The following PDE10A variants were observed in gnomAD, a reference collection of about 807,000 sequenced individuals.
PDE10A encodes the protein phosphodiesterase 10A, also known as cAMP and cAMP-inhibited cGMP 3',5'-cyclic phosphodiesterase 10A.
A neutral mutation model predicts 97.7 loss-of-function variants in PDE10A; 39 were observed. That is an observed-to-expected ratio of 0.40 (90% CI 0.31 to 0.52). The LOEUF (loss-of-function observed/expected upper bound fraction) is 0.52, where lower values mean the gene tolerates loss of function less well. PDE10A is among the 20% of genes least tolerant of loss of function. The pLI, the probability that PDE10A is intolerant of heterozygous loss-of-function variation, is 0.56. For missense variants in PDE10A, 731 were observed against 1,047.8 expected (o/e 0.70, Z 4.17); for synonymous variants, 371 against 376.8 (o/e 0.98, Z 0.18).
chr6:165,435,396 GT>G lies in PDE10A; in HGVS notation c.1195-20del. The stretch of plus-strand genomic sequence containing the variant: ...ACAGGCTCTAGGGAGAAGAAAAGAT[GT>G]TTTACAGACTTTCCTGTACATGTGC... On this transcript the variant is annotated intron_variant, in intron 5 of 21. Coordinates refer to ENST00000539869, the MANE Select transcript of PDE10A (RefSeq NM_001385079.1). The G allele has an allele frequency of 6.2e-7, 1 of 1,608,338 alleles. No homozygotes were observed. Among genetic ancestry groups the G allele is most frequent in the Non-Finnish European group, 8.5e-7 (1 of 1,177,420 alleles).
At chr6:165,427,883 T>A (rs79501846) in intron 10 of PDE10A, among the ~76,000 whole-genome samples, 2,814 of 152,244 alleles carry the variant, frequency 0.018, 80 homozygotes, top group African/African-American at 0.064. Context: ...AAATAACTTA[T>A]CACATAAAGA....
chr6:165,589,758 A>G (rs567249670), intron 1 of PDE10A, among the ~76,000 whole-genome samples: 8 of 152,330 alleles, frequency 5.3e-5, no homozygotes, highest in South Asian at 2.1e-4. Context: ...GAAATTGTCT[A>G]TATTCCAGGC....
intron 1 of PDE10A, among the ~76,000 whole-genome samples, chr6:165,811,688 T>C (rs1359103188): frequency 6.6e-6 from 1 of 152,180 alleles, no homozygotes; most frequent in Non-Finnish European, 1.5e-5. Context: ...TAGCTCCTGC[T>C]CCTGAGGCCG....
intron 3 of PDE10A, among the ~76,000 whole-genome samples, chr6:165,469,976 T>C (rs1778891704): frequency 6.6e-6 from 1 of 152,210 alleles, no homozygotes; most frequent in African/African-American, 2.4e-5. Flanking sequence ...CGTTCCACCC[T>C]TGGGTCCCAT....
At chr6:165,935,521 G>A (rs1003056789) in intron 1 of PDE10A, among the ~76,000 whole-genome samples, 8 of 152,194 alleles carry the variant, frequency 5.3e-5, no homozygotes, top group African/African-American at 1.9e-4. Flanking sequence ...GGGAAATCGT[G>A]GGCAAAATCC....
chr6:165,933,678 T>C (rs987075758), intron 1 of PDE10A, among the ~76,000 whole-genome samples: 4 of 152,244 alleles, frequency 2.6e-5, no homozygotes, highest in Non-Finnish European at 5.9e-5. Context: ...TTCTGGGTTT[T>C]TACAGCCCAA....
chr6:165,409,217 G>A (rs1787507030), intron 13 of PDE10A, among the ~76,000 whole-genome samples: 2 of 150,884 alleles, frequency 1.3e-5, no homozygotes, highest in African/African-American at 4.9e-5. Flanking sequence ...AGAGCTTGCA[G>A]CTGCACTGAA....
intron 1 of PDE10A, among the ~76,000 whole-genome samples, chr6:165,694,773 G>A (rs1440213635): frequency 6.6e-6 from 1 of 152,192 alleles, no homozygotes; most frequent in African/African-American, 2.4e-5. Context: ...GATGAGAAGG[G>A]AATGTTGATG....
intron 1 of PDE10A, among the ~76,000 whole-genome samples, chr6:165,544,131 G>A (rs1174517285): frequency 2.0e-5 from 3 of 152,142 alleles, no homozygotes; most frequent in African/African-American, 4.8e-5. Flanking sequence ...ATGTAGCACT[G>A]AAACATTATA....
chr6:165,715,453 G>A (rs984057277), intron 1 of PDE10A, among the ~76,000 whole-genome samples: 2 of 152,068 alleles, frequency 1.3e-5, no homozygotes, highest in African/African-American at 2.4e-5. Context: ...TCCCCAAATC[G>A]ACCATCCAGC....
At chr6:165,367,677 G>T (rs2128197721) in intron 18 of PDE10A, among the ~76,000 whole-genome samples, 1 of 150,522 alleles carries the variant, frequency 6.6e-6, no homozygotes, top group African/African-American at 2.4e-5. Flanking sequence ...AAAAAAGACA[G>T]AGGCCAGAAG....
At chr6:165,712,692 T>A (rs1791928684) in intron 1 of PDE10A, among the ~76,000 whole-genome samples, 1 of 133,844 alleles carries the variant, frequency 7.5e-6, no homozygotes, top group East Asian at 2.3e-4. Context: ...CAGGCTGGAG[T>A]GCAGCGGCGC....
chr6:165,853,107 C>T (rs929734674), intron 1 of PDE10A, among the ~76,000 whole-genome samples: 1 of 152,234 alleles, frequency 6.6e-6, no homozygotes, highest in African/African-American at 2.4e-5. Context: ...TATCTGCTGT[C>T]GACCCGGAGT....
chr6:165,740,989 T>C (rs1347783735), intron 1 of PDE10A, among the ~76,000 whole-genome samples: 1 of 152,088 alleles, frequency 6.6e-6, no homozygotes, highest in Non-Finnish European at 1.5e-5. Flanking sequence ...ATTATATCAA[T>C]AATACTAATA....
rs544778968 is a variant in PDE10A at position 165,439,244 on chromosome 6, A to G, written c.1195-3867T>C. On this transcript the variant is annotated intron_variant, in intron 5 of 21. Coordinates refer to ENST00000539869, the MANE Select transcript of PDE10A (RefSeq NM_001385079.1). ...AGGCTCTTATACATATGTTTACAAT[A>G]TCAAATTTATCTATAATATCCAGTG... Among the ~76,000 whole-genome samples the G allele has an allele frequency of 3.3e-5, 5 of 152,322 alleles. No individual in the cohort carries two copies. In the East Asian group the frequency reaches 9.7e-4, roughly 29 times the overall value.
intron 1 of PDE10A, among the ~76,000 whole-genome samples, chr6:165,816,229 G>T (rs771023931): frequency 6.6e-6 from 1 of 152,186 alleles, no homozygotes; most frequent in Non-Finnish European, 1.5e-5. Context: ...GATTACAGGC[G>T]TGAGCCACTG....
intron 1 of PDE10A, among the ~76,000 whole-genome samples, chr6:165,744,201 A>G (rs1792794041): frequency 6.6e-6 from 1 of 152,228 alleles, no homozygotes; most frequent in Non-Finnish European, 1.5e-5. Flanking sequence ...TTGTCTACAG[A>G]AAAAAGAAAT....
At chr6:165,656,541 C>T (rs1243794604) in intron 1 of PDE10A, among the ~76,000 whole-genome samples, 1 of 151,984 alleles carries the variant, frequency 6.6e-6, no homozygotes, top group African/African-American at 2.4e-5. Flanking sequence ...TTCTACCTGT[C>T]TTCCATAGCT....
rs182029188 is a variant in PDE10A, at chr6:165,459,688, G to A, written c.1024-9326C>T. 3.4e-3 allele frequency among the ~76,000 whole-genome samples: 520 copies of A among 152,220 alleles called. 3 individuals are homozygous for A. The highest frequency in any genetic ancestry group is 0.011 in the African/African-American group (439 of 41,538). Reference sequence around the variant, plus strand: ...CTAATCCTCATTGCCAGGCTGCTCTGTGACCTATCAGAGGGAAAGCACACT... The same window carrying A: ...CTAATCCTCATTGCCAGGCTGCTCTATGACCTATCAGAGGGAAAGCACACT... On this transcript the variant is annotated intron_variant, in intron 3 of 21. Transcript: ENST00000539869.
Sources: gnomAD v4.1 joint callset for allele counts (sites outside exome capture counted in the v4.1 genomes callset) on GRCh38, gnomAD v4.1.1 for gene constraint, MANE v1.5 for transcripts, NCBI Gene and HGNC (gene_info 2026-07-23, HGNC 2026-07-21) for gene names.